DGKH: variants seen among roughly 807,000 people sequenced by gnomAD.
DGKH encodes the protein DAG kinase eta.
In DGKH, 90 loss-of-function variants were observed where a neutral mutation model predicts 159.3. The ratio of observed to expected loss-of-function variants is 0.57; its 90% CI spans 0.48 to 0.67. The LOEUF (loss-of-function observed/expected upper bound fraction) is 0.67. Among genes scored for constraint, DGKH ranks in the 30% least tolerant of loss-of-function variants. The pLI, the probability that DGKH is intolerant of heterozygous loss-of-function variation, is 0.00. For missense variants in DGKH, 1,181 were observed against 1,506.1 expected (o/e 0.78, Z 3.57); for synonymous variants, 536 against 553.8 (o/e 0.97, Z 0.45).
intron 1 of DGKH, 59 bp from the exon 2 acceptor site, chr13:42,127,404 A>T: frequency 4.7e-6 from 6 of 1,273,870 alleles, no homozygotes; most frequent in Non-Finnish European, 6.8e-6. Context: ...TTGGCTCTGA[A>T]TTTCATTTGG....
intron 21 of DGKH, among the ~76,000 whole-genome samples, chr13:42,208,387 C>A (rs76944826): frequency 6.6e-6 from 1 of 151,884 alleles, no homozygotes; most frequent in Admixed American, 6.6e-5. Flanking sequence ...TAATTTTTAT[C>A]TTCTGAGGTT....
In DGKH at chr13:42,168,501, G is replaced by C; in HGVS notation, c.1180G>C (p.Val394Leu). 6.2e-7 allele frequency: 1 copy of C among 1,614,184 alleles called. No individual in the cohort carries two copies. The highest frequency in any genetic ancestry group is 1.7e-5 in the Admixed American group (1 of 60,030). ...TCTTGTTTGTGGAGGCGATGGAAGTGTAGGTTGGGTTTTGTCAGAAATCGA... is the reference window on the plus strand; with the variant it reads ...TCTTGTTTGTGGAGGCGATGGAAGTCTAGGTTGGGTTTTGTCAGAAATCGA... ...RILVCGGDGS[V>L]GWVLSEIDKL... The change falls in exon 10 of 30, where the codon GTA (valine) becomes CTA (leucine). Residue 394 changes from valine to leucine, a missense_variant. Around this residue, in one of 5 missense-constraint regions of DGKH, gnomAD observed 369 missense variants for 519.4 expected, o/e 0.71. Coordinates refer to ENST00000337343, the MANE Select transcript of DGKH (RefSeq NM_178009.5).
At chr13:42,107,538 G>A (rs1954782762) in intron 1 of DGKH, among the ~76,000 whole-genome samples, 1 of 152,200 alleles carries the variant, frequency 6.6e-6, no homozygotes, top group Admixed American at 6.5e-5. Context: ...AACAATTCTG[G>A]AGGGAGGGAG....
chr13:42,161,989 A>G (rs1956193859), intron 7 of DGKH, among the ~76,000 whole-genome samples: 1 of 152,144 alleles, frequency 6.6e-6, no homozygotes, highest in Admixed American at 6.5e-5. Context: ...ACTTTTAAAC[A>G]TTTCTTAACT....
intron 1 of DGKH, among the ~76,000 whole-genome samples, chr13:42,062,200 C>G (rs558240025): frequency 6.6e-6 from 1 of 152,172 alleles, no homozygotes; most frequent in African/African-American, 2.4e-5. Context: ...CATGCAAACT[C>G]TTCTGTTTCC....
intron 1 of DGKH, among the ~76,000 whole-genome samples, chr13:42,126,367 C>A (rs1955172972): frequency 6.6e-6 from 1 of 152,018 alleles, no homozygotes; most frequent in Non-Finnish European, 1.5e-5. Flanking sequence ...TGGTCAAGAC[C>A]TGAAGGAGGT....
chr13:42,199,509 G>T, intron 18 of DGKH, 57 bp from the exon 19 acceptor site: 1 of 1,228,866 alleles, frequency 8.1e-7, no homozygotes, highest in South Asian at 1.5e-5. Flanking sequence ...TGTACAAATT[G>T]TAATTGTTAT....
At chr13:42,056,599 G>A (rs1881779276) in intron 1 of DGKH, among the ~76,000 whole-genome samples, 1 of 152,192 alleles carries the variant, frequency 6.6e-6, no homozygotes, top group South Asian at 2.1e-4. Flanking sequence ...AATATCTGCT[G>A]AGTAACGGAC....
intron 1 of DGKH, among the ~76,000 whole-genome samples, chr13:42,124,155 C>T (rs960289264): frequency 1.3e-5 from 2 of 151,948 alleles, no homozygotes; most frequent in Non-Finnish European, 2.9e-5. Flanking sequence ...AGATATATGA[C>T]ATTTAAAATA....
chr13:42,239,926 A>T lies in DGKH; in HGVS notation c.*10738A>T, dbSNP rs928397930. The stretch of plus-strand genomic sequence containing the variant: ...TAGTGCCTTGGCATAATCACATGCC[A>T]TAGATGAACATGTTCAAGACTCAGT... On this transcript the variant is annotated 3_prime_UTR_variant, in exon 30 of 30. Transcript: ENST00000337343. The T allele has an allele frequency of 8.5e-5, 13 of 152,216 alleles. No individual in the cohort carries two copies. Among genetic ancestry groups the T allele is most frequent in the African/African-American group, 3.1e-4 (13 of 41,452 alleles). The allele number at this position is 152,216 out of a possible 1,614,324, so 9.4% of individuals were successfully genotyped here.
At chr13:42,225,336 T>C (rs1958096505) in intron 29 of DGKH, 1 of 1,580,390 alleles carries the variant, frequency 6.3e-7, no homozygotes, top group Middle Eastern at 1.7e-4. Flanking sequence ...GGTAAACATA[T>C]GGTGAGAGTT....
intron 29 of DGKH, among the ~76,000 whole-genome samples, chr13:42,221,981 T>G (rs1464935981): frequency 2.0e-5 from 3 of 152,218 alleles, no homozygotes; most frequent in Admixed American, 2.0e-4. Context: ...AGAATTTTTT[T>G]TCTTTAGTAA....
intron 3 of DGKH, among the ~76,000 whole-genome samples, chr13:42,137,637 C>A (rs369461510): frequency 1.3e-5 from 2 of 152,166 alleles, no homozygotes; most frequent in Non-Finnish European, 2.9e-5. Context: ...ACAAGTCAAG[C>A]AGAGTCTTAT....
At chr13:42,062,899 A>G (rs1268626694) in intron 1 of DGKH, among the ~76,000 whole-genome samples, 1 of 152,138 alleles carries the variant, frequency 6.6e-6, no homozygotes, top group Non-Finnish European at 1.5e-5. Context: ...GTTTTTATTT[A>G]TCTGTTCACT....
In DGKH at chr13:42,148,092, A is replaced by G. The variant is rs544033270; in HGVS notation, c.385-7199A>G. Among the ~76,000 whole-genome samples the G allele has an allele frequency of 1.1e-4, 17 of 152,328 alleles. No individual in the cohort carries two copies. In the South Asian group the frequency reaches 3.1e-3, roughly 28 times the overall value. ...GGATAATGTCAGTAAATTCTTTGCC[A>G]ATCCTTCATTCTCTCGTAGATGGCT... On this transcript the variant is annotated intron_variant, in intron 3 of 29. Coordinates refer to ENST00000337343, the MANE Select transcript of DGKH (RefSeq NM_178009.5).
chr13:42,160,631 A>G (rs1339334804), intron 7 of DGKH, among the ~76,000 whole-genome samples: 2 of 152,200 alleles, frequency 1.3e-5, no homozygotes, highest in Non-Finnish European at 2.9e-5. Context: ...AGACAGTCAG[A>G]GTAGGAAGGA....
intron 1 of DGKH, among the ~76,000 whole-genome samples, chr13:42,082,374 T>A (rs1174867658): frequency 6.6e-6 from 1 of 152,214 alleles, no homozygotes; most frequent in Non-Finnish European, 1.5e-5. Flanking sequence ...GTATTTTTAA[T>A]GACCTTCTTT....
At chr13:42,181,672 C>T (rs924925607) in intron 13 of DGKH, 2 of 395,906 alleles carry the variant, frequency 5.1e-6, no homozygotes, top group Admixed American at 2.6e-5. Context: ...CTGTTTAAGC[C>T]ACCCCATTCC....
Position 42,168,504 on chromosome 13 carries a change from G to A in DGKH, c.1183G>A (p.Gly395Ser). 3.1e-6 allele frequency: 5 copies of A among 1,614,150 alleles called. No individual in the cohort carries two copies. Among genetic ancestry groups the A allele is most frequent in the Non-Finnish European group, 4.2e-6 (5 of 1,180,002 alleles). Reference protein sequence around the residue: ...ILVCGGDGSVGWVLSEIDKLN... With the variant: ...ILVCGGDGSVSWVLSEIDKLN... ...TGTTTGTGGAGGCGATGGAAGTGTAGGTTGGGTTTTGTCAGAAATCGATAA... is the reference window on the plus strand; with the variant it reads ...TGTTTGTGGAGGCGATGGAAGTGTAAGTTGGGTTTTGTCAGAAATCGATAA... The change falls in exon 10 of 30, where the codon GGT becomes AGT. Residue 395 changes from glycine to serine, a missense_variant. Gly to Ser is a moderately conservative substitution (Grantham distance 56, BLOSUM62 0). This residue lies in a region of DGKH where 369 missense variants were observed against 519.4 expected (regional missense o/e 0.71). Coordinates refer to ENST00000337343, the MANE Select transcript of DGKH (RefSeq NM_178009.5).
Sources: allele counts gnomAD v4.1 joint callset (sites outside exome capture counted in the v4.1 genomes callset), GRCh38; gene constraint gnomAD v4.1.1; regional missense constraint gnomAD v4.1.1; transcripts MANE v1.5; gene names NCBI Gene and HGNC (gene_info 2026-07-23, HGNC 2026-07-21).